The following ADGRL2 variants were observed in gnomAD, a reference collection of about 807,000 sequenced individuals.
The protein encoded by ADGRL2 is calcium-independent alpha-latrotoxin receptor 2.
A neutral mutation model predicts 157.4 loss-of-function variants in ADGRL2; 44 were observed. The observed-to-expected ratio is 0.28, with a 90% CI of 0.22 to 0.36. ADGRL2 has a LOEUF of 0.36. ADGRL2 is among the 10% of genes least tolerant of loss of function. The pLI, the probability that ADGRL2 is intolerant of heterozygous loss-of-function variation, is 1.00. For synonymous variants in ADGRL2, 585 were observed against 624.7 expected, an observed-to-expected ratio of 0.94 and a Z score of 0.95; for missense variants, 1,510 against 1,768.9, an observed-to-expected ratio of 0.85 and a Z score of 2.63.
intron 1 of ADGRL2, among the ~76,000 whole-genome samples, chr1:81,391,770 C>G (rs997979213): frequency 6.6e-6 from 1 of 152,250 alleles, no homozygotes; most frequent in Non-Finnish European, 1.5e-5. Context: ...TCAAGAGACA[C>G]CATTCTGGCT....
chr1:81,314,111 C>A, intron 1 of ADGRL2, among the ~76,000 whole-genome samples: 1 of 152,206 alleles, frequency 6.6e-6, no homozygotes, highest in Admixed American at 6.5e-5. Flanking sequence ...ATCTGACAAC[C>A]CCCTGGTGTT....
At chr1:81,495,584 T>C (rs1273603791) in intron 2 of ADGRL2, among the ~76,000 whole-genome samples, 1 of 152,190 alleles carries the variant, frequency 6.6e-6, no homozygotes, top group Non-Finnish European at 1.5e-5. Flanking sequence ...CATTGTTTTA[T>C]TGTGAATCCA....
At chr1:81,365,329 TA>T (rs1167621910) in intron 1 of ADGRL2, among the ~76,000 whole-genome samples, 1 of 152,096 alleles carries the variant, frequency 6.6e-6, no homozygotes, top group African/African-American at 2.4e-5. Context: ...AGACATAAGG[TA>T]AAAAGTTGCC....
intron 1 of ADGRL2, among the ~76,000 whole-genome samples, chr1:81,331,586 T>C (rs1381438049): frequency 6.6e-6 from 1 of 152,100 alleles, no homozygotes; most frequent in Non-Finnish European, 1.5e-5. Flanking sequence ...TACTGGAAAA[T>C]GATGTTTGAC....
chr1:81,939,263 G>C (rs2095353177), intron 4 of ADGRL2, among the ~76,000 whole-genome samples: 1 of 151,650 alleles, frequency 6.6e-6, no homozygotes, highest in South Asian at 2.1e-4. Flanking sequence ...TAATATCCAT[G>C]TCAAAAGTGT....
intron 1 of ADGRL2, among the ~76,000 whole-genome samples, chr1:81,746,999 C>T (rs909665616): frequency 7.7e-5 from 11 of 142,960 alleles, no homozygotes; most frequent in South Asian, 2.2e-4. Flanking sequence ...TACGTATATA[C>T]GTGTATACAC....
intron 1 of ADGRL2, among the ~76,000 whole-genome samples, chr1:81,342,567 T>C (rs1328499086): frequency 6.6e-6 from 1 of 152,180 alleles, no homozygotes; most frequent in Non-Finnish European, 1.5e-5. Flanking sequence ...TTTAACCAAG[T>C]ACCAGTGGAA....
chr1:81,898,833 C>T (rs1306314890), intron 2 of ADGRL2, among the ~76,000 whole-genome samples: 1 of 152,142 alleles, frequency 6.6e-6, no homozygotes, highest in East Asian at 1.9e-4. Flanking sequence ...GTCCCCTCCT[C>T]CTTAAGTATT....
chr1:81,746,755 T>C lies in ADGRL2; in HGVS notation c.-142-15056T>C, dbSNP rs547106663. ...TAAAACAATATTATTGGATTCTTTT[T>C]AAAATAATTTAAATAACACAACCAT... On this transcript the variant is annotated intron_variant, in intron 1 of 20. Coordinates refer to the ADGRL2 transcript ENST00000359929. Among the ~76,000 whole-genome samples the C allele has an allele frequency of 5.9e-5, 9 of 151,938 alleles. No individual in the cohort carries two copies. The East Asian group carries it at 1.7e-3, about 29-fold the overall frequency.
At chr1:81,409,366 C>T (rs1056217455) in intron 1 of ADGRL2, among the ~76,000 whole-genome samples, 1 of 152,170 alleles carries the variant, frequency 6.6e-6, no homozygotes, top group South Asian at 2.1e-4. Context: ...CACTGAAATA[C>T]ATATTTTGAA....
intron 1 of ADGRL2, among the ~76,000 whole-genome samples, chr1:81,728,631 C>G (rs992434973): frequency 6.6e-6 from 1 of 152,152 alleles, no homozygotes; most frequent in Non-Finnish European, 1.5e-5. Context: ...CCAATCAAAT[C>G]TCATGTGGAA....
chr1:81,512,764 G>C (rs1364122389), intron 2 of ADGRL2, among the ~76,000 whole-genome samples: 1 of 152,068 alleles, frequency 6.6e-6, no homozygotes, highest in Non-Finnish European at 1.5e-5. Context: ...CAGTAATACT[G>C]TTTTGTAGCA....
intron 3 of ADGRL2, among the ~76,000 whole-genome samples, chr1:81,925,623 T>A (rs2095086448): frequency 1.3e-5 from 2 of 151,844 alleles, no homozygotes; most frequent in South Asian, 4.1e-4. Context: ...TGGGAAATGT[T>A]TCTGAGTCAG....
intron 2 of ADGRL2, among the ~76,000 whole-genome samples, chr1:81,894,345 T>G (rs2094335956): frequency 6.6e-6 from 1 of 152,156 alleles, no homozygotes; most frequent in Admixed American, 6.5e-5. Context: ...GCATTTTGTT[T>G]TATTTATTCT....
intron 2 of ADGRL2, among the ~76,000 whole-genome samples, chr1:81,569,344 C>A (rs1317339195): frequency 6.6e-6 from 1 of 152,120 alleles, no homozygotes; most frequent in Non-Finnish European, 1.5e-5. Context: ...ATCCGGGGTT[C>A]AAACACACCC....
chr1:81,431,209 T>C (rs1414690520), intron 1 of ADGRL2, among the ~76,000 whole-genome samples: 3 of 152,016 alleles, frequency 2.0e-5, no homozygotes, highest in African/African-American at 7.2e-5. Context: ...GTTTTGGAGG[T>C]AGGGTGGGGA....
chr1:81,890,732 CG>C (rs3838457), intron 2 of ADGRL2, among the ~76,000 whole-genome samples: 119,056 of 152,018 alleles, frequency 0.78, 46,909 homozygotes, highest in East Asian at 0.94. Flanking sequence ...CAGAGATACA[CG>C]GCAGTCTTTG....
intron 1 of ADGRL2, among the ~76,000 whole-genome samples, chr1:81,362,936 C>G (rs1001119782): frequency 2.0e-5 from 3 of 151,868 alleles, no homozygotes; most frequent in African/African-American, 7.2e-5. Context: ...GATTATCAGC[C>G]TATGGGACAT....
intron 18 of ADGRL2, chr1:81,980,693 A>G (rs554269923): frequency 2.0e-6 from 1 of 510,252 alleles, no homozygotes; most frequent in Admixed American, 2.8e-5. Context: ...TAGATAGGTT[A>G]GTGCCAGCTT....
Sources: gnomAD v4.1 joint callset for allele counts (sites outside exome capture counted in the v4.1 genomes callset) on GRCh38, gnomAD v4.1.1 for gene constraint, MANE v1.5 for transcripts, NCBI Gene and HGNC (gene_info 2026-07-23, HGNC 2026-07-21) for gene names.